The following GSE1 variants were observed in gnomAD, a reference collection of about 807,000 sequenced individuals.
The protein encoded by GSE1 is genetic suppressor element 1.
In GSE1, 32 loss-of-function variants were observed where a neutral mutation model predicts 112.6. The ratio of observed to expected loss-of-function variants is 0.28; its 90% CI spans 0.21 to 0.38. GSE1 has a LOEUF of 0.38. Ranked by LOEUF, GSE1 falls within the 10% of genes least tolerant of loss-of-function variation. The pLI, the probability that GSE1 is intolerant of heterozygous loss-of-function variation, is 1.00. For missense variants in GSE1, 2,348 were observed against 1,699.2 expected, an observed-to-expected ratio of 1.38 and a Z score of -6.71; for synonymous variants, 1,115 against 735.6, an observed-to-expected ratio of 1.52 and a Z score of -8.35.
rs925839246 is a variant in GSE1, at chr16:85,214,453, A to G, written c.2283+42646A>G. Among the ~76,000 whole-genome samples the G allele has an allele frequency of 5.3e-5, 8 of 152,136 alleles. No individual in the cohort carries two copies. In the East Asian group the frequency reaches 1.2e-3, roughly 22 times the overall value. On this transcript the variant is annotated intron_variant, in intron 1 of 2. Coordinates refer to the GSE1 transcript ENST00000637419. ...GAGTGATGCAGCGACTGACCAAGCGATGCGCAGGATGGTGGCTGAGCCCCC... is the reference window on the plus strand; with the variant it reads ...GAGTGATGCAGCGACTGACCAAGCGGTGCGCAGGATGGTGGCTGAGCCCCC...
At chr16:85,387,246 T>C (rs1035862135) in intron 2 of GSE1, among the ~76,000 whole-genome samples, 1 of 152,092 alleles carries the variant, frequency 6.6e-6, no homozygotes, top group Non-Finnish European at 1.5e-5. Flanking sequence ...AGGCCTCTCC[T>C]GAGTCTCACG....
Position 85,471,449 on chromosome 16 carries a change from C to T in GSE1, c.2464+113806C>T, listed in dbSNP as rs529824940. ...TACTTGTTGAGGCAAAGTCTCACTCCATCACCCAGGCTGGAGTGCAGTGGT... is the reference window on the plus strand; with the variant it reads ...TACTTGTTGAGGCAAAGTCTCACTCTATCACCCAGGCTGGAGTGCAGTGGT... On this transcript the variant is annotated intron_variant, in intron 2 of 2. Coordinates refer to the GSE1 transcript ENST00000637419. Among the ~76,000 whole-genome samples, 15 of 152,292 alleles carry T rather than the reference C, an allele frequency of 9.8e-5. No individual in the cohort carries two copies. In the South Asian group the frequency reaches 3.1e-3, roughly 32 times the overall value.
At chr16:85,288,197 G>A (rs1425147267) in intron 1 of GSE1, among the ~76,000 whole-genome samples, 13 of 152,138 alleles carry the variant, frequency 8.5e-5, no homozygotes, top group Admixed American at 7.2e-4. Flanking sequence ...CTGAGATCAC[G>A]CCATTGCACT....
At chr16:85,206,472 T>G (rs2075118321) in intron 1 of GSE1, among the ~76,000 whole-genome samples, 1 of 151,872 alleles carries the variant, frequency 6.6e-6, no homozygotes, top group Non-Finnish European at 1.5e-5. Flanking sequence ...TGTGAGAGGC[T>G]TTTCGGGGTG....
intron 2 of GSE1, among the ~76,000 whole-genome samples, chr16:85,421,092 G>A (rs946953940): frequency 6.6e-6 from 1 of 152,204 alleles, no homozygotes; most frequent in Non-Finnish European, 1.5e-5. Flanking sequence ...GAATTGATAT[G>A]TTTGGTGTTG....
At chr16:85,323,924 G>A (rs879550987) in intron 1 of GSE1, among the ~76,000 whole-genome samples, 2 of 152,188 alleles carry the variant, frequency 1.3e-5, no homozygotes, top group African/African-American at 2.4e-5. Flanking sequence ...CCTTGAGCCC[G>A]AATCTGCCTT....
In GSE1 at chr16:85,537,624, G is replaced by A. The variant is rs1034593954; in HGVS notation, c.2465-96290G>A. Among the ~76,000 whole-genome samples the A allele has an allele frequency of 9.2e-5, 14 of 152,200 alleles. 1 individual carries two copies. Among genetic ancestry groups the A allele is most frequent in the South Asian group, 4.1e-4 (2 of 4,830 alleles). On this transcript the variant is annotated intron_variant, in intron 2 of 2. Transcript: ENST00000637419. ...GAGGCCACAGTCCCCATGTGGATTC[G>A]TGCCCAGCCCCCTTCCGAGGCGCCT... is the stretch of plus-strand genomic sequence containing the variant.
At chr16:85,517,990 C>G (rs1218164032) in intron 2 of GSE1, among the ~76,000 whole-genome samples, 2 of 152,252 alleles carry the variant, frequency 1.3e-5, no homozygotes, top group African/African-American at 4.8e-5. Flanking sequence ...GTCAGGGGCT[C>G]TGCCTCCCCG....
chr16:85,654,097 C>T (rs1038447654), intron 3 of GSE1, among the ~76,000 whole-genome samples, 181 bp from the exon 4 acceptor site: 2 of 152,188 alleles, frequency 1.3e-5, no homozygotes, highest in Non-Finnish European at 2.9e-5. Context: ...CATCCCCTTT[C>T]TTACGGTTCT....
chr16:85,572,409 C>T (rs957685430), intron 1 of GSE1, among the ~76,000 whole-genome samples: 8 of 148,958 alleles, frequency 5.4e-5, no homozygotes, highest in Admixed American at 4.7e-4. Flanking sequence ...ACACCACACA[C>T]ACTACACACC....
chr16:85,439,302 C>T (rs933199716), intron 2 of GSE1, among the ~76,000 whole-genome samples: 1 of 152,252 alleles, frequency 6.6e-6, no homozygotes, highest in African/African-American at 2.4e-5. Context: ...CCCCATGACC[C>T]AGGTGGCCAG....
At chr16:85,340,217 G>A (rs1174792905) in intron 1 of GSE1, among the ~76,000 whole-genome samples, 4 of 152,172 alleles carry the variant, frequency 2.6e-5, no homozygotes, top group African/African-American at 9.7e-5. Context: ...GGGTGTGGTG[G>A]CGTGTGTCTG....
intron 1 of GSE1, among the ~76,000 whole-genome samples, chr16:85,567,031 C>T (rs1027029795): frequency 2.7e-5 from 4 of 150,272 alleles, no homozygotes; most frequent in Non-Finnish European, 4.4e-5. Context: ...AGGTGTTACT[C>T]CCGCCCCCAC....
At chr16:85,397,018 G>A (rs1486960388) in intron 2 of GSE1, among the ~76,000 whole-genome samples, 1 of 152,192 alleles carries the variant, frequency 6.6e-6, no homozygotes, top group African/African-American at 2.4e-5. Flanking sequence ...ACCAAGAGAC[G>A]GGGGCTCCCC....
chr16:85,542,984 T>C (rs2151212497), intron 2 of GSE1, among the ~76,000 whole-genome samples: 1 of 152,300 alleles, frequency 6.6e-6, no homozygotes, highest in Middle Eastern at 3.4e-3. Context: ...TCCCAGCACT[T>C]TGGGAGGCCA....
At chr16:85,401,011 T>G (rs1326119129) in intron 2 of GSE1, among the ~76,000 whole-genome samples, 1 of 152,154 alleles carries the variant, frequency 6.6e-6, no homozygotes, top group East Asian at 1.9e-4. Context: ...TCTACATCAG[T>G]GCGGGTGCAG....
intron 2 of GSE1, among the ~76,000 whole-genome samples, chr16:85,459,381 A>G (rs1455419392): frequency 6.6e-6 from 1 of 152,182 alleles, no homozygotes; most frequent in African/African-American, 2.4e-5. Context: ...TGAAGAGTAG[A>G]GTGACTTTGG....
chr16:85,553,291 C>T (rs1351350337), upstream of GSE1, among the ~76,000 whole-genome samples: 1 of 147,812 alleles, frequency 6.8e-6, no homozygotes, highest in African/African-American at 2.5e-5. Flanking sequence ...CCCCGCTTGC[C>T]AGGCCGCCGC....
At position 85,311,660 on chromosome 16, in the gene GSE1, C is replaced by CTGG. The variant is rs1430983319; in HGVS notation, c.2284-45799_2284-45797dup. ...GGCCCCTTGGGCTGTGTACCTGGGC[C>CTGG]TGGTGGCTCTGTCTGTGGCTCTCTT... On this transcript the variant is annotated intron_variant, in intron 1 of 2. Transcript: ENST00000637419. The surrounding 1 kb of genome is among the most constrained non-coding windows in gnomAD (Gnocchi z 4.2). 6.6e-6 allele frequency among the ~76,000 whole-genome samples: 1 copy of CTGG among 152,186 alleles called. No individual in the cohort carries two copies.
Sources: allele counts gnomAD v4.1 joint callset (sites outside exome capture counted in the v4.1 genomes callset), GRCh38; gene constraint gnomAD v4.1.1; non-coding constraint Gnocchi (gnomAD v3.1); transcripts MANE v1.5; gene names NCBI Gene and HGNC (gene_info 2026-07-23, HGNC 2026-07-21).